SGTA: variants seen among roughly 807,000 people sequenced by gnomAD.
The protein encoded by SGTA is small glutamine rich tetratricopeptide repeat co-chaperone alpha.
A neutral mutation model predicts 44.3 loss-of-function variants in SGTA; 22 were observed. The observed-to-expected ratio is 0.50, with a 90% CI of 0.36 to 0.71. The LOEUF (loss-of-function observed/expected upper bound fraction) is 0.71, where lower values mean the gene tolerates loss of function less well. Ranked by LOEUF, SGTA falls within the 30% of genes least tolerant of loss-of-function variation. SGTA has a pLI of 0.00. For synonymous variants in SGTA, 174 were observed against 177.6 expected, an observed-to-expected ratio of 0.98 and a Z score of 0.16; for missense variants, 341 against 435.9, an observed-to-expected ratio of 0.78 and a Z score of 1.94.
Position 2,765,567 on chromosome 19 carries a change from G to A in SGTA, c.293-282C>T, listed in dbSNP as rs112384924. Among the ~76,000 whole-genome samples, 2 of 152,194 alleles carry A rather than the reference G, an allele frequency of 1.3e-5. No homozygotes were observed. The highest frequency in any genetic ancestry group is 4.8e-5 in the African/African-American group (2 of 41,540). ...GTGCCTGGCGACGGTGGCTGTCACTGCCTGGATGGCGACCCCGGGAGCAGA... is the reference window on the plus strand; with the variant it reads ...GTGCCTGGCGACGGTGGCTGTCACTACCTGGATGGCGACCCCGGGAGCAGA... On this transcript the variant is annotated intron_variant, in intron 4 of 11. Transcript: ENST00000221566. The surrounding 1 kb of genome is among the most constrained non-coding windows in gnomAD (Gnocchi z 5.5).
intron 1 of SGTA, among the ~76,000 whole-genome samples, chr19:2,773,074 A>G (rs12976213): frequency 1.8e-4 from 4 of 22,022 alleles, no homozygotes; most frequent in Admixed American, 3.3e-4. Context: ...GCCACACGGC[A>G]GGGACACCGA....
chr19:2,766,901 C>G (rs1195119423), intron 4 of SGTA, among the ~76,000 whole-genome samples: 1 of 151,936 alleles, frequency 6.6e-6, no homozygotes, highest in Non-Finnish European at 1.5e-5. Flanking sequence ...TCCACAGGGG[C>G]CGCTCCCGAC....
intron 8 of SGTA, among the ~76,000 whole-genome samples, chr19:2,760,800 TCTGA>T (rs1184412134): frequency 3.9e-5 from 6 of 152,204 alleles, no homozygotes; most frequent in South Asian, 2.1e-4. Flanking sequence ...GGCTCATTTT[TCTGA>T]CTGACAGTGA....
chr19:2,769,183 A>G (rs1915232088), intron 1 of SGTA, 92 bp from the exon 2 acceptor site: 1 of 720,430 alleles, frequency 1.4e-6, no homozygotes, highest in Non-Finnish European at 2.4e-6. Flanking sequence ...GCCTCACTTT[A>G]AGGGTGCTGG....
intron 1 of SGTA, among the ~76,000 whole-genome samples, chr19:2,781,333 T>C (rs913199659): frequency 6.6e-6 from 1 of 152,222 alleles, no homozygotes; most frequent in East Asian, 1.9e-4. Flanking sequence ...GTACATGCGA[T>C]AGCTTATTTT....
At chr19:2,770,427 A>C (rs1389084973) in intron 1 of SGTA, 1 of 152,180 alleles carries the variant, frequency 6.6e-6, no homozygotes, top group Non-Finnish European at 1.5e-5. Flanking sequence ...CCCCGACGTG[A>C]GCTTCCCCCG....
chr19:2,762,447 G>C (rs900051258), intron 7 of SGTA, 59 bp downstream of exon 7: 171 of 1,591,546 alleles, frequency 1.1e-4, no homozygotes, highest in Non-Finnish European at 1.3e-4. Flanking sequence ...CCGAGGACCT[G>C]TCCCCCACCC....
chr19:2,770,431 T>TC (rs1915274045), intron 1 of SGTA: 4 of 152,200 alleles, frequency 2.6e-5, no homozygotes, highest in Admixed American at 1.3e-4. Context: ...GACGTGAGCT[T>TC]CCCCCGGGGC....
chr19:2,763,355 C>T lies in SGTA; in HGVS notation c.497+298G>A, dbSNP rs141229459. 9.5e-4 allele frequency among the ~76,000 whole-genome samples: 145 copies of T among 152,264 alleles called. 3 individuals are homozygous for T. The Middle Eastern group carries it at 0.02, about 21-fold the overall frequency. ...AGGTGCTTCCCTGAGCTCTGTGAGC[C>T]GCCCCAGCAAACAATGGAGCCTGAG... On this transcript the variant is annotated intron_variant, in intron 6 of 11. Transcript: ENST00000221566. The surrounding 1 kb of genome is among the most constrained non-coding windows in gnomAD (Gnocchi z 5.8).
At position 2,767,314 on chromosome 19, in the gene SGTA, A is replaced by G; in HGVS notation, c.208-94T>C. The G allele has an allele frequency of 1.0e-6, 1 of 997,308 alleles. No individual in the cohort carries two copies. Among genetic ancestry groups the G allele is most frequent in the Non-Finnish European group, 1.5e-6 (1 of 666,296 alleles). The allele number at this position is 997,308 out of a possible 1,614,324, so 61.8% of individuals were successfully genotyped here. A position where few individuals can be genotyped will look rare whatever the true frequency, so the allele number is the denominator to read the frequency against. On this transcript the variant is annotated intron_variant, in intron 3 of 11. Coordinates refer to ENST00000221566, the MANE Select transcript of SGTA (RefSeq NM_003021.4). The surrounding 1 kb of genome is among the most constrained non-coding windows in gnomAD (Gnocchi z 7.3). Reference sequence around the variant, plus strand: ...CCTCGGGACGCCAGAGAGGGCCACCAAGTTCCGAAGGACCCGGGGGCTCTG... The same window carrying G: ...CCTCGGGACGCCAGAGAGGGCCACCGAGTTCCGAAGGACCCGGGGGCTCTG...
At chr19:2,773,029 C>G (rs796980796) in intron 1 of SGTA, among the ~76,000 whole-genome samples, 2 of 11,058 alleles carry the variant, frequency 1.8e-4, no homozygotes, top group African/African-American at 1.5e-3. Flanking sequence ...CGCGGCCACA[C>G]GGCAGGGACA....
intron 1 of SGTA, among the ~76,000 whole-genome samples, chr19:2,772,135 G>A (rs1915327005): frequency 1.3e-5 from 2 of 152,258 alleles, no homozygotes; most frequent in Non-Finnish European, 2.9e-5. Context: ...CAAGGGGCAG[G>A]CCTGAGGCCT....
rs1128925 is a variant in SGTA at position 2,767,194 on chromosome 19, G to A, written c.234C>T (p.Pro78=). ...GKEMPQDLRS[P]ARTPPSEEDS... ...CCTCCTCGGAAGGCGGGGTTCGCGC[G>A]GGGCTCCTCAGGTCCTGCGGCATCT... Residue 78 remains proline, a synonymous_variant, in exon 4 of 12, where the codon CCC becomes CCT. Coordinates refer to ENST00000221566, the MANE Select transcript of SGTA (RefSeq NM_003021.4). This position sits in a 1 kb window ranked among gnomAD's most constrained non-coding sequence, Gnocchi z 7.3. 25 of 1,610,998 alleles carry A rather than the reference G, an allele frequency of 1.6e-5. No homozygotes were observed. Among genetic ancestry groups the A allele is most frequent in the East Asian group, 6.7e-5 (3 of 44,752 alleles).
At position 2,776,761 on chromosome 19, in the gene SGTA, G is replaced by A. The variant is rs967327274; in HGVS notation, c.-24+6472C>T. Among the ~76,000 whole-genome samples, 21 of 152,272 alleles carry A rather than the reference G, an allele frequency of 1.4e-4. No individual in the cohort carries two copies. The East Asian group carries it at 1.7e-3, about 13-fold the overall frequency. ...AGGCAGGTGGATCACCTGAGGTCAG[G>A]AGTTTGAGACCAACATGGTGAAACC... On this transcript the variant is annotated intron_variant, in intron 1 of 11. Transcript: ENST00000221566.
intron 1 of SGTA, among the ~76,000 whole-genome samples, chr19:2,779,050 C>T (rs889865697): frequency 6.6e-6 from 1 of 152,180 alleles, no homozygotes; most frequent in African/African-American, 2.4e-5. Flanking sequence ...TGGCTCCCCC[C>T]ACTGCACACC....
Position 2,755,454 on chromosome 19 carries a change from G to A in SGTA, c.*486C>T, listed in dbSNP as rs1049778021. ...GCCGCAGCTGGCAGTGAGCTCTTCC[G>A]AGCAGGCACAGGGCCGGGGTGGCCG... On this transcript the variant is annotated 3_prime_UTR_variant, in exon 12 of 12. Coordinates refer to ENST00000221566, the MANE Select transcript of SGTA (RefSeq NM_003021.4). This position sits in a 1 kb window ranked among gnomAD's most constrained non-coding sequence, Gnocchi z 5.2. 18 of 987,564 alleles carry A rather than the reference G, an allele frequency of 1.8e-5. No individual in the cohort carries two copies. The African/African-American group carries it at 2.3e-4, about 12-fold the overall frequency. The allele number at this position is 987,564 out of a possible 1,614,324, so 61.2% of individuals were successfully genotyped here. A position where few individuals can be genotyped will look rare whatever the true frequency, so the allele number is the denominator to read the frequency against.
At position 2,763,080 on chromosome 19, in the gene SGTA, G is replaced by T. The variant is rs1915046635; in HGVS notation, c.498-436C>A. 6.6e-6 allele frequency among the ~76,000 whole-genome samples: 1 copy of T among 152,144 alleles called. No individual in the cohort carries two copies. Among genetic ancestry groups the T allele is most frequent in the Non-Finnish European group, 1.5e-5 (1 of 68,030 alleles). On this transcript the variant is annotated intron_variant, in intron 6 of 11. Coordinates refer to ENST00000221566, the MANE Select transcript of SGTA (RefSeq NM_003021.4). The surrounding 1 kb of genome is among the most constrained non-coding windows in gnomAD (Gnocchi z 5.8). ...CCCACCTGAGTGAGTCTTCACTCGT[G>T]AGGTGACTCAGGGCCCCTACAGAGC... is the stretch of plus-strand genomic sequence containing the variant.
chr19:2,767,514 C>A lies in SGTA; in HGVS notation c.207+66G>T. On this transcript the variant is annotated intron_variant, in intron 3 of 11. Coordinates refer to ENST00000221566, the MANE Select transcript of SGTA (RefSeq NM_003021.4). This position sits in a 1 kb window ranked among gnomAD's most constrained non-coding sequence, Gnocchi z 7.3. ...CGATGAGAGCGGGGCTCCTGGGGTC[C>A]CCAGGGCTGCCTGCTGTTGCTGTTC... 1 of 1,362,664 alleles carries A rather than the reference C, an allele frequency of 7.3e-7. No homozygotes were observed. Among genetic ancestry groups the A allele is most frequent in the Non-Finnish European group, 1.0e-6 (1 of 958,974 alleles). The allele number at this position is 1,362,664 out of a possible 1,614,324, so 84.4% of individuals were successfully genotyped here.
At chr19:2,760,945 C>T (rs561858813) in intron 8 of SGTA, among the ~76,000 whole-genome samples, 2 of 152,268 alleles carry the variant, frequency 1.3e-5, no homozygotes, top group African/African-American at 4.8e-5. Flanking sequence ...GATGGCTCTC[C>T]GAGGATCCCA....
Sources: gnomAD v4.1 joint callset for allele counts (sites outside exome capture counted in the v4.1 genomes callset) on GRCh38, gnomAD v4.1.1 for gene constraint, Gnocchi (gnomAD v3.1) non-coding constraint, MANE v1.5 for transcripts, NCBI Gene and HGNC (gene_info 2026-07-23, HGNC 2026-07-21) for gene names.